Variants in CTIF observed in about 807,000 individuals in gnomAD.
CTIF encodes cap binding complex dependent translation initiation factor.
CTIF carries 21 observed loss-of-function variants against 66.0 expected under a neutral mutation model. That is an observed-to-expected ratio of 0.32 (90% CI 0.23 to 0.46). The LOEUF (loss-of-function observed/expected upper bound fraction) is 0.46, where lower values mean the gene tolerates loss of function less well. CTIF is among the 20% of genes least tolerant of loss of function. The probability of loss-of-function intolerance (pLI) is 1.00; values close to 1 mark genes in which losing one functional copy is unlikely to be tolerated. For synonymous variants in CTIF, 345 were observed against 326.4 expected, an observed-to-expected ratio of 1.06 and a Z score of -0.62; for missense variants, 739 against 812.7, an observed-to-expected ratio of 0.91 and a Z score of 1.10.
At chr18:48,577,226 C>T (rs910263855) in intron 1 of CTIF, among the ~76,000 whole-genome samples, 4 of 152,166 alleles carry the variant, frequency 2.6e-5, no homozygotes, top group African/African-American at 9.7e-5. Flanking sequence ...GTGGTAGCAA[C>T]GGTATTTAGG....
In CTIF at chr18:48,736,276, T is replaced by C. The variant is rs112843211; in HGVS notation, c.585-21643T>C. Among the ~76,000 whole-genome samples the C allele has an allele frequency of 6.2e-4, 95 of 152,158 alleles. 1 individual carries two copies. Among genetic ancestry groups the C allele is most frequent in the African/African-American group, 2.2e-3 (91 of 41,512 alleles). On this transcript the variant is annotated intron_variant, in intron 7 of 11. Coordinates refer to ENST00000256413, the MANE Select transcript of CTIF (RefSeq NM_014772.3). The stretch of plus-strand genomic sequence containing the variant: ...TCTGGGATGAGGAAGGTGAAGGGCT[T>C]GAGTGAATGCCTGTGCCTCTCCAAG...
chr18:48,688,582 C>T (rs1001247508), intron 6 of CTIF, among the ~76,000 whole-genome samples: 1 of 152,208 alleles, frequency 6.6e-6, no homozygotes, highest in Admixed American at 6.5e-5. Context: ...ATCCTAAACA[C>T]GTCCTTCTAA....
At position 48,564,310 on chromosome 18, in the gene CTIF, G is replaced by T. The variant is rs912089754; in HGVS notation, c.-29+24998G>T. ...ACCGGACCTCTGTGGGTGGTGGAGG[G>T]AGCTTCCCATGTGTGGATGGAGGCC... On this transcript the variant is annotated intron_variant, in intron 1 of 11. Transcript: ENST00000256413. Among the ~76,000 whole-genome samples, 3 of 152,282 alleles carry T rather than the reference G, an allele frequency of 2.0e-5. No individual in the cohort carries two copies. The East Asian group carries it at 5.8e-4, about 29-fold the overall frequency.
At chr18:48,643,215 T>C (rs2090965880) in intron 3 of CTIF, among the ~76,000 whole-genome samples, 1 of 152,176 alleles carries the variant, frequency 6.6e-6, no homozygotes, top group Non-Finnish European at 1.5e-5. Flanking sequence ...AATCAACTTG[T>C]AAAAGGCAGA....
chr18:48,772,031 A>G (rs1568206141), intron 9 of CTIF, among the ~76,000 whole-genome samples: 1 of 152,212 alleles, frequency 6.6e-6, no homozygotes, highest in African/African-American at 2.4e-5. Flanking sequence ...CCCAGCCACT[A>G]CCAAGAGAGA....
At chr18:48,689,420 C>T (rs1235293402) in intron 6 of CTIF, among the ~76,000 whole-genome samples, 2 of 152,214 alleles carry the variant, frequency 1.3e-5, no homozygotes, top group African/African-American at 4.8e-5. Context: ...ATTTCACATG[C>T]TGCAGCTTGA....
chr18:48,699,507 G>A (rs1029542284), intron 6 of CTIF, among the ~76,000 whole-genome samples: 7 of 152,158 alleles, frequency 4.6e-5, no homozygotes, highest in African/African-American at 1.7e-4. Flanking sequence ...AGAGTGTCCT[G>A]GACACGGCCT....
intron 7 of CTIF, among the ~76,000 whole-genome samples, chr18:48,754,197 T>TA (rs1168998640): frequency 1.3e-5 from 2 of 152,160 alleles, no homozygotes; most frequent in Non-Finnish European, 2.9e-5. Context: ...TCTCCATTAC[T>TA]ACAGGTCACT....
chr18:48,601,366 C>T (rs1310387626), intron 1 of CTIF, among the ~76,000 whole-genome samples: 4 of 152,240 alleles, frequency 2.6e-5, no homozygotes. Flanking sequence ...TCTATATATT[C>T]TGTGCGTGCA....
chr18:48,751,113 A>G (rs1907769180), intron 7 of CTIF, among the ~76,000 whole-genome samples: 1 of 152,210 alleles, frequency 6.6e-6, no homozygotes, highest in Non-Finnish European at 1.5e-5. Context: ...CATGCTAGCT[A>G]TGAACCATTC....
chr18:48,574,740 C>T (rs1385060046), intron 1 of CTIF, among the ~76,000 whole-genome samples: 4 of 151,866 alleles, frequency 2.6e-5, no homozygotes, highest in Non-Finnish European at 4.4e-5. Context: ...GGAAGTGTGG[C>T]GACTATCTCG....
intron 1 of CTIF, among the ~76,000 whole-genome samples, chr18:48,594,613 C>G (rs1254393109): frequency 6.6e-6 from 1 of 152,182 alleles, no homozygotes; most frequent in African/African-American, 2.4e-5. Flanking sequence ...TGCCCCTTCC[C>G]TCCTCACTTG....
chr18:48,674,354 C>T (rs773128285), intron 6 of CTIF, among the ~76,000 whole-genome samples: 2 of 152,254 alleles, frequency 1.3e-5, no homozygotes, highest in Non-Finnish European at 2.9e-5. Flanking sequence ...GCTGCTGCAG[C>T]TCCTGCAGTC....
At chr18:48,611,639 C>G (rs1217395215) in intron 1 of CTIF, among the ~76,000 whole-genome samples, 1 of 152,210 alleles carries the variant, frequency 6.6e-6, no homozygotes, top group East Asian at 1.9e-4. Flanking sequence ...GCCCCAACTC[C>G]CATCCTTGAA....
chr18:48,684,570 G>A (rs1041682060), intron 6 of CTIF, among the ~76,000 whole-genome samples: 3 of 152,016 alleles, frequency 2.0e-5, no homozygotes, highest in Non-Finnish European at 4.4e-5. Flanking sequence ...CCTATACTCT[G>A]TCCTCTCAAT....
At chr18:48,664,389 G>T in intron 4 of CTIF, 58 bp from the exon 5 acceptor site, 2 of 1,463,748 alleles carry the variant, frequency 1.4e-6, no homozygotes, top group Admixed American at 1.7e-5. Flanking sequence ...CCCTGGTTCC[G>T]TCAGTAACTG....
At chr18:48,793,288 T>A (rs2067834217) in intron 9 of CTIF, among the ~76,000 whole-genome samples, 1 of 152,206 alleles carries the variant, frequency 6.6e-6, no homozygotes, top group African/African-American at 2.4e-5. Context: ...CCACCCCCTC[T>A]AAGTCTCTTG....
intron 9 of CTIF, among the ~76,000 whole-genome samples, chr18:48,776,426 C>T (rs1216897411): frequency 6.6e-6 from 1 of 152,222 alleles, no homozygotes. Flanking sequence ...AGGAGGCTGC[C>T]ATGGGGCGGG....
chr18:48,645,126 T>C (rs1437090489), intron 3 of CTIF, among the ~76,000 whole-genome samples: 2 of 152,026 alleles, frequency 1.3e-5, no homozygotes, highest in East Asian at 1.9e-4. Context: ...ACATTCTGTA[T>C]AAAATGAACG....
Sources: allele counts gnomAD v4.1 joint callset (sites outside exome capture counted in the v4.1 genomes callset), GRCh38; gene constraint gnomAD v4.1.1; transcripts MANE v1.5; gene names NCBI Gene and HGNC (gene_info 2026-07-23, HGNC 2026-07-21).